CSNK2A2IP: variants seen among roughly 807,000 people sequenced by gnomAD.
The protein encoded by CSNK2A2IP is casein kinase II subunit alpha'-interacting protein.
the CSNK2A2IP span, among the ~76,000 whole-genome samples, chr3:88,349,535 T>C: frequency 6.6e-6 from 1 of 152,174 alleles, no homozygotes; most frequent in Non-Finnish European, 1.5e-5. Context: ...CATTCATTGG[T>C]TGATGGGCAT....
chr3:88,415,141 C>G, the CSNK2A2IP span, among the ~76,000 whole-genome samples: 1 of 151,754 alleles, frequency 6.6e-6, no homozygotes, highest in Non-Finnish European at 1.5e-5. Flanking sequence ...TGTTAATGTT[C>G]TTTTTTCTTT....
the CSNK2A2IP span, among the ~76,000 whole-genome samples, chr3:88,389,290 T>C: frequency 6.6e-6 from 1 of 151,482 alleles, no homozygotes; most frequent in African/African-American, 2.4e-5. Flanking sequence ...ATTGGCTTGA[T>C]GAGGTATTAC....
the CSNK2A2IP span, among the ~76,000 whole-genome samples, chr3:88,393,167 G>A: frequency 1.3e-5 from 2 of 152,130 alleles, no homozygotes; most frequent in Non-Finnish European, 1.5e-5. Flanking sequence ...AGTTTAAGCA[G>A]GTAAGAGAAG....
chr3:88,456,075 G>T, the CSNK2A2IP span, among the ~76,000 whole-genome samples: 105 of 152,078 alleles, frequency 6.9e-4, no homozygotes, highest in Middle Eastern at 3.4e-3. Flanking sequence ...CTAATTTTAT[G>T]CTGCTACCAT....
the CSNK2A2IP span, among the ~76,000 whole-genome samples, chr3:88,451,595 A>C: frequency 3.3e-5 from 5 of 151,926 alleles, no homozygotes; most frequent in African/African-American, 9.7e-5. Context: ...GACATTTATA[A>C]ATTTTTTTCA....
At chr3:88,375,597 T>G in the CSNK2A2IP span, among the ~76,000 whole-genome samples, 1 of 151,514 alleles carries the variant, frequency 6.6e-6, no homozygotes, top group Non-Finnish European at 1.5e-5. Context: ...CAAATGTATG[T>G]AAAATAACCT....
the CSNK2A2IP span, among the ~76,000 whole-genome samples, chr3:88,459,015 G>A: frequency 0.38 from 57,001 of 151,790 alleles, 11,213 homozygotes; most frequent in East Asian, 0.69. Flanking sequence ...TTGAAATTTT[G>A]TATACCCTTA....
At chr3:88,361,761 G>GC in the CSNK2A2IP span, among the ~76,000 whole-genome samples, 2 of 151,694 alleles carry the variant, frequency 1.3e-5, no homozygotes, top group South Asian at 4.2e-4. Context: ...TTTTTACTTT[G>GC]CCCTTCTTCT....
the CSNK2A2IP span, among the ~76,000 whole-genome samples, chr3:88,341,773 G>A: frequency 1.3e-4 from 19 of 151,684 alleles, no homozygotes; most frequent in Admixed American, 2.0e-4. Flanking sequence ...ATAAACTTTC[G>A]GAGAATCTGA....
the CSNK2A2IP span, among the ~76,000 whole-genome samples, chr3:88,456,292 C>A: frequency 6.6e-6 from 1 of 151,956 alleles, no homozygotes; most frequent in Non-Finnish European, 1.5e-5. Flanking sequence ...GTAGTTTGAA[C>A]ATTTTAACAA....
chr3:88,442,881 TA>T, the CSNK2A2IP span, among the ~76,000 whole-genome samples: 1 of 151,942 alleles, frequency 6.6e-6, no homozygotes, highest in Non-Finnish European at 1.5e-5. Flanking sequence ...CGGGCTATAA[TA>T]AAAAATTATT....
At chr3:88,432,655 A>G in the CSNK2A2IP span, among the ~76,000 whole-genome samples, 1 of 151,658 alleles carries the variant, frequency 6.6e-6, no homozygotes, top group African/African-American at 2.4e-5. Flanking sequence ...AAACAATTGA[A>G]TACTTTTTTT....
the CSNK2A2IP span, among the ~76,000 whole-genome samples, chr3:88,389,753 A>G: frequency 2.6e-5 from 4 of 152,184 alleles, no homozygotes; most frequent in East Asian, 7.7e-4. Context: ...GACAGAGCCA[A>G]CAGTGGCAAT....
the CSNK2A2IP span, among the ~76,000 whole-genome samples, chr3:88,378,770 T>C: frequency 6.6e-6 from 1 of 152,116 alleles, no homozygotes; most frequent in East Asian, 1.9e-4. Flanking sequence ...TTTTATAATT[T>C]TTCTGTGTAT....
chr3:88,424,027 G>A, the CSNK2A2IP span, among the ~76,000 whole-genome samples: 1 of 152,052 alleles, frequency 6.6e-6, no homozygotes, highest in Non-Finnish European at 1.5e-5. Context: ...TCTTCTCTCC[G>A]TATTTCAACT....
the CSNK2A2IP span, among the ~76,000 whole-genome samples, chr3:88,387,101 G>C: frequency 2.0e-5 from 3 of 151,102 alleles, no homozygotes; most frequent in African/African-American, 7.3e-5. Flanking sequence ...TTATACTTTT[G>C]TTGTTAATTT....
the CSNK2A2IP span, among the ~76,000 whole-genome samples, chr3:88,435,058 G>A: frequency 6.6e-6 from 1 of 152,132 alleles, no homozygotes; most frequent in Non-Finnish European, 1.5e-5. Context: ...GTCTTTGAAG[G>A]GTGATGGGCA....
chr3:88,406,512 G>A, the CSNK2A2IP span, among the ~76,000 whole-genome samples: 3 of 152,198 alleles, frequency 2.0e-5, no homozygotes, highest in Admixed American at 6.5e-5. Flanking sequence ...ATTCTAAAGC[G>A]GGGGAAGAAA....
chr3:88,373,334 A>T, the CSNK2A2IP span, among the ~76,000 whole-genome samples: 1 of 151,542 alleles, frequency 6.6e-6, no homozygotes, highest in African/African-American at 2.4e-5. Flanking sequence ...AGACATATGG[A>T]AAATCACATG....
Sources: gnomAD v4.1 joint callset for allele counts (sites outside exome capture counted in the v4.1 genomes callset) on GRCh38, gnomAD v4.1.1 for gene constraint, MANE v1.5 for transcripts, NCBI Gene and HGNC (gene_info 2026-07-23, HGNC 2026-07-21) for gene names.